ITSN1: variants seen among roughly 807,000 people sequenced by gnomAD.
ITSN1 encodes the protein intersectin-1.
In ITSN1, 58 loss-of-function variants were observed where a neutral mutation model predicts 239.8. That is an observed-to-expected ratio of 0.24 (90% CI 0.20 to 0.30). The LOEUF is 0.30. ITSN1 is among the 10% of genes least tolerant of loss of function. ITSN1 has a pLI of 1.00. For missense variants in ITSN1, 1,558 were observed against 2,103.3 expected (o/e 0.74, Z 5.07); for synonymous variants, 780 against 770.8 (o/e 1.01, Z -0.20).
intron 26 of ITSN1, among the ~76,000 whole-genome samples, chr21:33,827,283 C>G (rs9636613): frequency 0.12 from 18,068 of 152,042 alleles, 1,352 homozygotes; most frequent in East Asian, 0.29. Flanking sequence ...ACCTGTAATC[C>G]CAGCTACTCG....
At chr21:33,813,439 G>C (rs1009104934) in intron 21 of ITSN1, among the ~76,000 whole-genome samples, 6 of 151,290 alleles carry the variant, frequency 4.0e-5, no homozygotes, top group African/African-American at 1.5e-4. Context: ...TGCAACCTCT[G>C]CCTCCGAGGT....
chr21:33,761,912 T>C lies in ITSN1; in HGVS notation c.725-11T>C, dbSNP rs570211564. On this transcript the variant is annotated splice_polypyrimidine_tract_variant and intron_variant, in intron 8 of 39. Coordinates refer to ENST00000381318, the MANE Select transcript of ITSN1 (RefSeq NM_003024.3). Reference sequence around the variant, plus strand: ...ACTCATCTGTATGTCCTTTTCCTGGTTCCTGTTTAGGTCCCCAAGCAAGAA... The same window carrying C: ...ACTCATCTGTATGTCCTTTTCCTGGCTCCTGTTTAGGTCCCCAAGCAAGAA... 3.2e-5 allele frequency: 51 copies of C among 1,610,356 alleles called. No homozygotes were observed. In the South Asian group the frequency reaches 5.3e-4, roughly 17 times the overall value.
intron 23 of ITSN1, among the ~76,000 whole-genome samples, chr21:33,818,700 T>A (rs1208707097): frequency 6.6e-6 from 1 of 152,216 alleles, no homozygotes; most frequent in East Asian, 1.9e-4. Context: ...CATTGCCTTA[T>A]GCAAGAAGGA....
At chr21:33,819,173 A>G (rs2073486324) in intron 23 of ITSN1, 68 bp from the exon 24 acceptor site, 1 of 1,212,732 alleles carries the variant, frequency 8.2e-7, no homozygotes, top group Non-Finnish European at 1.2e-6. Context: ...TTAACAGAAA[A>G]ATCAGTGTCA....
At chr21:33,868,951 C>T (rs1248712821) in intron 33 of ITSN1, among the ~76,000 whole-genome samples, 1 of 150,498 alleles carries the variant, frequency 6.6e-6, no homozygotes, top group Non-Finnish European at 1.5e-5. Flanking sequence ...AGAGCTTAGT[C>T]GTTGATTCTT....
intron 16 of ITSN1, among the ~76,000 whole-genome samples, chr21:33,790,236 G>T (rs1169647582): frequency 1.3e-5 from 2 of 151,552 alleles, no homozygotes; most frequent in Non-Finnish European, 2.9e-5. Context: ...TCATGATTCT[G>T]CATAAATTGT....
At chr21:33,839,969 G>A (rs536793575) in intron 29 of ITSN1, among the ~76,000 whole-genome samples, 98 of 152,274 alleles carry the variant, frequency 6.4e-4, no homozygotes, top group Non-Finnish European at 1.0e-3. Context: ...CAGAGCTGAG[G>A]TTGAGAAGCG....
At chr21:33,825,781 A>T (rs534702895) in intron 25 of ITSN1, among the ~76,000 whole-genome samples, 3 of 152,198 alleles carry the variant, frequency 2.0e-5, no homozygotes, top group African/African-American at 7.2e-5. Flanking sequence ...TTGCTTTTGT[A>T]TAACTTTGTT....
At chr21:33,888,017 A>G in intron 39 of ITSN1, 135 bp from the exon 40 acceptor site, 1 of 784,064 alleles carries the variant, frequency 1.3e-6, no homozygotes, top group Non-Finnish European at 2.0e-6. Context: ...TGGAAATCCT[A>G]GTGTTGGTTT....
intron 5 of ITSN1, among the ~76,000 whole-genome samples, chr21:33,749,853 A>T (rs1014746718): frequency 2.0e-5 from 3 of 152,002 alleles, no homozygotes; most frequent in Admixed American, 6.6e-5. Flanking sequence ...TTTAAATATC[A>T]TTTTGAACTC....
intron 5 of ITSN1, among the ~76,000 whole-genome samples, chr21:33,747,779 A>G (rs1035275311): frequency 6.6e-6 from 1 of 152,230 alleles, no homozygotes; most frequent in African/African-American, 2.4e-5. Flanking sequence ...TCAAATAAAC[A>G]AAGACTGAGA....
intron 33 of ITSN1, among the ~76,000 whole-genome samples, chr21:33,871,570 G>A (rs1239303917): frequency 6.6e-6 from 1 of 151,964 alleles, no homozygotes; most frequent in Non-Finnish European, 1.5e-5. Flanking sequence ...GGTGAAGCCC[G>A]TCTCTACTAA....
chr21:33,849,261 C>A (rs1323496782), intron 29 of ITSN1, among the ~76,000 whole-genome samples: 2 of 151,282 alleles, frequency 1.3e-5, no homozygotes, highest in African/African-American at 2.4e-5. Context: ...AGAACAACAA[C>A]AACAAGAAAA....
At chr21:33,667,530 G>A (rs2090003858) in intron 1 of ITSN1, among the ~76,000 whole-genome samples, 1 of 152,162 alleles carries the variant, frequency 6.6e-6, no homozygotes, top group African/African-American at 2.4e-5. Context: ...TGGAACCAAA[G>A]TGTACTTTTT....
At chr21:33,789,542 AC>A (rs757088340) in intron 16 of ITSN1, among the ~76,000 whole-genome samples, 5 of 152,230 alleles carry the variant, frequency 3.3e-5, no homozygotes, top group Non-Finnish European at 5.9e-5. Context: ...ATCAGTAAAT[AC>A]ATTTCCATTA....
At chr21:33,723,362 C>T (rs1382422716) in intron 4 of ITSN1, among the ~76,000 whole-genome samples, 1 of 152,164 alleles carries the variant, frequency 6.6e-6, no homozygotes, top group African/African-American at 2.4e-5. Context: ...TGCCTGTAAT[C>T]CCAGCACTTT....
chr21:33,716,992 C>G (rs1341070734), intron 1 of ITSN1, among the ~76,000 whole-genome samples: 1 of 149,826 alleles, frequency 6.7e-6, no homozygotes, highest in South Asian at 2.1e-4. Context: ...AAAAAAGGAA[C>G]CCAGAGGAAT....
At chr21:33,661,968 C>G (rs981371672) in intron 1 of ITSN1, among the ~76,000 whole-genome samples, 3 of 152,024 alleles carry the variant, frequency 2.0e-5, no homozygotes, top group Non-Finnish European at 4.4e-5. Context: ...CCATCTGAAC[C>G]CCCATGAAAG....
intron 21 of ITSN1, among the ~76,000 whole-genome samples, chr21:33,811,777 CTG>C (rs1159862477): frequency 1.3e-5 from 2 of 152,270 alleles, no homozygotes; most frequent in African/African-American, 4.8e-5. Flanking sequence ...ATTTTAAAAA[CTG>C]TGTGTAAGCA....
Sources: allele counts gnomAD v4.1 joint callset (sites outside exome capture counted in the v4.1 genomes callset), GRCh38; gene constraint gnomAD v4.1.1; transcripts MANE v1.5; gene names NCBI Gene and HGNC (gene_info 2026-07-23, HGNC 2026-07-21).